GRB14: variants seen among roughly 807,000 people sequenced by gnomAD.
GRB14 encodes growth factor receptor bound protein 14.
In GRB14, 38 loss-of-function variants were observed where a neutral mutation model predicts 69.1. The ratio of observed to expected loss-of-function variants is 0.55; its 90% CI spans 0.42 to 0.72. The LOEUF is 0.72. GRB14 is among the 30% of genes least tolerant of loss of function. The pLI is 0.00. For synonymous variants in GRB14, 247 were observed against 241.3 expected, an observed-to-expected ratio of 1.02 and a Z score of -0.22; for missense variants, 666 against 666.1, an observed-to-expected ratio of 1.00 and a Z score of 0.00.
chr2:164,501,111 A>G (rs546288737), intron 9 of GRB14, among the ~76,000 whole-genome samples: 2 of 152,210 alleles, frequency 1.3e-5, no homozygotes, highest in East Asian at 3.9e-4. Context: ...AAATGTAAAA[A>G]CATTCATCTT....
rs1210218794 is a variant in GRB14 at position 164,621,414 on chromosome 2, G to T, written c.-105C>A. On this transcript the variant is annotated 5_prime_UTR_variant, in exon 1 of 14. Coordinates refer to ENST00000263915, the MANE Select transcript of GRB14 (RefSeq NM_004490.3). The surrounding 1 kb of genome is among the most constrained non-coding windows in gnomAD (Gnocchi z 6.0). ...GCCGGCTAGGCAGCCCGAGCGCTCTGCAGGTGTGGTGGCCTCGCCGCCTGC... is the reference window on the plus strand; with the variant it reads ...GCCGGCTAGGCAGCCCGAGCGCTCTTCAGGTGTGGTGGCCTCGCCGCCTGC... The T allele has an allele frequency of 1.3e-5, 13 of 993,424 alleles. No individual in the cohort carries two copies. Among genetic ancestry groups the T allele is most frequent in the Admixed American group, 8.6e-5 (2 of 23,246 alleles). 61.5% of individuals were successfully genotyped at this position (993,424 alleles called of 1,614,324 possible). A position where few individuals can be genotyped will look rare whatever the true frequency, so the allele number is the denominator to read the frequency against.
chr2:164,547,785 C>A lies in GRB14; in HGVS notation c.356G>T (p.Ser119Ile), dbSNP rs772252499. The change falls in exon 3 of 14, where the codon AGC becomes ATC. Residue 119 changes from serine (S) to isoleucine (I), a missense_variant. Ser to Ile is a moderately radical substitution (Grantham distance 142, BLOSUM62 -2). Transcript: ENST00000263915. Reference sequence around the variant, plus strand: ...GTCACTGGGTACATCTAAAGCCCTGCTGGTTTCATCTTCACTGTATACTTT... The same window carrying A: ...GTCACTGGGTACATCTAAAGCCCTGATGGTTTCATCTTCACTGTATACTTT... ...VIKVYSEDET[S>I]RALDVPSDIT... The A allele has an allele frequency of 6.2e-7, 1 of 1,613,362 alleles. No homozygotes were observed. Among genetic ancestry groups the A allele is most frequent in the South Asian group, 1.1e-5 (1 of 90,976 alleles).
intron 3 of GRB14, among the ~76,000 whole-genome samples, chr2:164,536,710 A>G (rs1688088120): frequency 6.6e-6 from 1 of 152,250 alleles, no homozygotes; most frequent in Admixed American, 6.5e-5. Flanking sequence ...CATGATCAAA[A>G]GCTGCATAAC....
chr2:164,617,357 G>A (rs1366069119), intron 2 of GRB14, among the ~76,000 whole-genome samples: 1 of 152,092 alleles, frequency 6.6e-6, no homozygotes, highest in Non-Finnish European at 1.5e-5. Context: ...CAGGATACAA[G>A]GCCAGAGCAG....
At chr2:164,536,972 C>T (rs1263718484) in intron 3 of GRB14, among the ~76,000 whole-genome samples, 1 of 152,040 alleles carries the variant, frequency 6.6e-6, no homozygotes, top group East Asian at 1.9e-4. Context: ...TTGCAATTGC[C>T]CAAGGGGTGT....
chr2:164,558,275 G>A (rs1010194997), intron 2 of GRB14, among the ~76,000 whole-genome samples: 1 of 152,108 alleles, frequency 6.6e-6, no homozygotes, highest in African/African-American at 2.4e-5. Context: ...CTCAAGTGGG[G>A]GTTCAATTTG....
In GRB14 at chr2:164,618,212, G is replaced by A. The variant is rs187902785; in HGVS notation, c.324+1475C>T. Reference sequence around the variant, plus strand: ...AATCTTCAGACTTCGTGATCTGCCCGCCTCAGCCTCCCAAAGTGCTGGGAT... The same window carrying A: ...AATCTTCAGACTTCGTGATCTGCCCACCTCAGCCTCCCAAAGTGCTGGGAT... On this transcript the variant is annotated intron_variant, in intron 2 of 13. Transcript: ENST00000263915. Among the ~76,000 whole-genome samples the A allele has an allele frequency of 2.3e-3, 343 of 151,920 alleles. 2 individuals are homozygous for A. Among genetic ancestry groups the A allele is most frequent in the South Asian group, 4.4e-3 (21 of 4,804 alleles).
chr2:164,588,588 T>C (rs1425533367), intron 2 of GRB14, among the ~76,000 whole-genome samples: 2 of 152,240 alleles, frequency 1.3e-5, no homozygotes, highest in South Asian at 4.1e-4. Flanking sequence ...TGTGTAACTA[T>C]GCAATAATTA....
intron 3 of GRB14, among the ~76,000 whole-genome samples, chr2:164,538,401 C>A (rs188140085): frequency 3.9e-5 from 6 of 152,276 alleles, no homozygotes; most frequent in East Asian, 1.9e-4. Context: ...CCTACTCTTA[C>A]ATTGATTATA....
intron 2 of GRB14, among the ~76,000 whole-genome samples, chr2:164,589,830 T>C (rs1428243290): frequency 6.6e-6 from 1 of 152,166 alleles, no homozygotes; most frequent in East Asian, 1.9e-4. Flanking sequence ...CTGGGTGGCT[T>C]ATAAGCAACA....
intron 2 of GRB14, among the ~76,000 whole-genome samples, chr2:164,609,327 A>G (rs941591043): frequency 1.3e-5 from 2 of 152,188 alleles, no homozygotes; most frequent in Admixed American, 6.5e-5. Flanking sequence ...TGTAGGGCCA[A>G]TCCAGCTCCA....
intron 3 of GRB14, among the ~76,000 whole-genome samples, chr2:164,534,999 T>C (rs999743047): frequency 2.6e-5 from 4 of 152,160 alleles, no homozygotes; most frequent in African/African-American, 4.8e-5. Context: ...TTTTCGGGCA[T>C]TGGAAAGTAA....
At chr2:164,610,413 T>C (rs1320369927) in intron 2 of GRB14, among the ~76,000 whole-genome samples, 1 of 152,090 alleles carries the variant, frequency 6.6e-6, no homozygotes, top group African/African-American at 2.4e-5. Flanking sequence ...ATCAGAAATA[T>C]CTTGATTACA....
chr2:164,582,475 G>T (rs1379366499), intron 2 of GRB14, among the ~76,000 whole-genome samples: 1 of 149,936 alleles, frequency 6.7e-6, no homozygotes, highest in African/African-American at 2.5e-5. Flanking sequence ...AGGCTGGAGT[G>T]CAGTAGTGCA....
chr2:164,594,525 T>C (rs1009495928), intron 2 of GRB14, among the ~76,000 whole-genome samples: 18 of 152,180 alleles, frequency 1.2e-4, no homozygotes, highest in African/African-American at 3.4e-4. Context: ...CTTTCCCCTA[T>C]ATTCTGTCTT....
chr2:164,577,842 C>T (rs1466871762), intron 2 of GRB14, among the ~76,000 whole-genome samples: 1 of 151,938 alleles, frequency 6.6e-6, no homozygotes, highest in Admixed American at 6.6e-5. Flanking sequence ...GATTTTTTTA[C>T]CTAACACCAT....
At chr2:164,571,189 C>CT (rs1375732233) in intron 2 of GRB14, among the ~76,000 whole-genome samples, 1 of 152,162 alleles carries the variant, frequency 6.6e-6, no homozygotes, top group Non-Finnish European at 1.5e-5. Context: ...TCAGCCTATT[C>CT]TTTTTTCTCA....
At chr2:164,559,205 A>ATCT (rs1688758114) in intron 2 of GRB14, among the ~76,000 whole-genome samples, 2 of 152,186 alleles carry the variant, frequency 1.3e-5, no homozygotes, top group Non-Finnish European at 2.9e-5. Flanking sequence ...CCCATGCAGT[A>ATCT]ACAAACACTG....
intron 4 of GRB14, among the ~76,000 whole-genome samples, chr2:164,526,404 AAAG>A (rs1687774645): frequency 6.6e-6 from 1 of 151,994 alleles, no homozygotes; most frequent in Non-Finnish European, 1.5e-5. Context: ...ATTTTCTTTT[AAAG>A]AGAACTACAA....
Sources: gnomAD v4.1 joint callset for allele counts (sites outside exome capture counted in the v4.1 genomes callset) on GRCh38, gnomAD v4.1.1 for gene constraint, Gnocchi (gnomAD v3.1) non-coding constraint, MANE v1.5 for transcripts, NCBI Gene and HGNC (gene_info 2026-07-23, HGNC 2026-07-21) for gene names.